NALF1: variants seen among roughly 807,000 people sequenced by gnomAD.
NALF1 encodes the protein family with sequence similarity 155 member A.
In NALF1, 3 loss-of-function variants were observed where a neutral mutation model predicts 48.4. The ratio of observed to expected loss-of-function variants is 0.06; its 90% CI spans 0.03 to 0.16. NALF1 has a LOEUF of 0.16. Ranked by LOEUF, NALF1 falls within the 10% of genes least tolerant of loss-of-function variation. NALF1 has a pLI of 1.00. For missense variants in NALF1, 526 were observed against 571.5 expected, an observed-to-expected ratio of 0.92 and a Z score of 0.81; for synonymous variants, 262 against 245.7, an observed-to-expected ratio of 1.07 and a Z score of -0.62.
intron 1 of NALF1, among the ~76,000 whole-genome samples, chr13:107,663,800 C>T (rs750420095): frequency 6.6e-6 from 1 of 152,164 alleles, no homozygotes; most frequent in Non-Finnish European, 1.5e-5. Flanking sequence ...TTATTTCATG[C>T]ACTTTCTTCA....
chr13:107,354,562 C>T (rs768971691), intron 1 of NALF1, among the ~76,000 whole-genome samples: 13 of 152,254 alleles, frequency 8.5e-5, no homozygotes, highest in South Asian at 2.1e-4. Flanking sequence ...CCACCAGGTC[C>T]GCCCCCGAAC....
rs527933633 is a variant in NALF1, at chr13:107,851,490, CATATAAAAG to C, written c.915+14183_915+14191del. ...AATAAAATACTGTATTTATATTTCCCATATAAAAGACTCTGTTGTTCAGTCATAAAGTTA... is the reference window on the plus strand; with the variant it reads ...AATAAAATACTGTATTTATATTTCCCACTCTGTTGTTCAGTCATAAAGTTA... On this transcript the variant is annotated intron_variant, in intron 1 of 2. Transcript: ENST00000375915. Among the ~76,000 whole-genome samples, 187 of 152,076 alleles carry C rather than the reference CATATAAAAG, an allele frequency of 1.2e-3. 1 individual carries two copies. The highest frequency in any genetic ancestry group is 9.5e-3 in the East Asian group (49 of 5,166).
At chr13:107,370,513 C>T (rs898922153) in intron 1 of NALF1, among the ~76,000 whole-genome samples, 1 of 152,154 alleles carries the variant, frequency 6.6e-6, no homozygotes, top group Non-Finnish European at 1.5e-5. Context: ...TCAACATAGC[C>T]TTCAGTTAAT....
chr13:107,208,407 G>C (rs1449411799), intron 2 of NALF1, among the ~76,000 whole-genome samples: 1 of 152,200 alleles, frequency 6.6e-6, no homozygotes, highest in Non-Finnish European at 1.5e-5. Flanking sequence ...CTCTGCCCAT[G>C]TTGTGAAGTG....
intron 1 of NALF1, among the ~76,000 whole-genome samples, chr13:107,255,699 T>C (rs1268348906): frequency 2.6e-5 from 4 of 152,232 alleles, no homozygotes; most frequent in African/African-American, 9.6e-5. Flanking sequence ...CAAATGCTCA[T>C]AACAGCCTTT....
intron 1 of NALF1, among the ~76,000 whole-genome samples, chr13:107,778,541 C>T (rs1161204579): frequency 6.6e-6 from 1 of 152,154 alleles, no homozygotes; most frequent in Non-Finnish European, 1.5e-5. Context: ...CAATGGCTGG[C>T]AGTCTGTTGA....
At chr13:107,384,680 T>C (rs1215437851) in intron 1 of NALF1, among the ~76,000 whole-genome samples, 3 of 152,232 alleles carry the variant, frequency 2.0e-5, no homozygotes, top group South Asian at 4.1e-4. Flanking sequence ...GTGCCTTATA[T>C]TGATTTTTAA....
chr13:107,803,774 C>G (rs778443255), intron 1 of NALF1, among the ~76,000 whole-genome samples: 2 of 152,112 alleles, frequency 1.3e-5, no homozygotes, highest in Admixed American at 6.6e-5. Flanking sequence ...CCATTATAAA[C>G]CAGGCAATTG....
At chr13:107,339,091 G>GC (rs1882618826) in intron 1 of NALF1, among the ~76,000 whole-genome samples, 1 of 148,358 alleles carries the variant, frequency 6.7e-6, no homozygotes, top group Non-Finnish European at 1.5e-5. Context: ...CAGAGATTGT[G>GC]CCACTGCACT....
chr13:107,524,417 G>A (rs1051187913), intron 1 of NALF1, among the ~76,000 whole-genome samples: 1 of 152,078 alleles, frequency 6.6e-6, no homozygotes, highest in Non-Finnish European at 1.5e-5. Context: ...AAAAAAGTAT[G>A]TGAAGGAAGA....
At chr13:107,786,351 G>A (rs1454953379) in intron 1 of NALF1, among the ~76,000 whole-genome samples, 1 of 147,284 alleles carries the variant, frequency 6.8e-6, no homozygotes, top group Non-Finnish European at 1.5e-5. Context: ...GGGAGGCAGA[G>A]GTTGCAGTAA....
intron 1 of NALF1, among the ~76,000 whole-genome samples, chr13:107,684,529 G>T (rs951537867): frequency 6.6e-6 from 1 of 152,102 alleles, no homozygotes; most frequent in African/African-American, 2.4e-5. Flanking sequence ...AGAGTACCCA[G>T]GAGGACTCTG....
intron 1 of NALF1, among the ~76,000 whole-genome samples, chr13:107,846,959 C>T (rs1880188187): frequency 6.6e-6 from 1 of 152,068 alleles, no homozygotes; most frequent in South Asian, 2.1e-4. Flanking sequence ...TATTAATTTG[C>T]TCCAAAATAC....
chr13:107,421,747 TGTCA>T (rs1319080265), intron 1 of NALF1, among the ~76,000 whole-genome samples: 1 of 152,186 alleles, frequency 6.6e-6, no homozygotes, highest in Non-Finnish European at 1.5e-5. Context: ...GCTGGGAAAC[TGTCA>T]GTAAGTGTCA....
intron 1 of NALF1, among the ~76,000 whole-genome samples, chr13:107,705,835 C>A: frequency 6.6e-6 from 1 of 151,648 alleles, no homozygotes; most frequent in East Asian, 1.9e-4. Flanking sequence ...TGGGAGGTTT[C>A]GCTTTTATTT....
At position 107,578,194 on chromosome 13, in the gene NALF1, T is replaced by C. The variant is rs560550237; in HGVS notation, c.915+287488A>G. 2.6e-5 allele frequency among the ~76,000 whole-genome samples: 4 copies of C among 152,350 alleles called. No homozygotes were observed. In the East Asian group the frequency reaches 7.7e-4, roughly 29 times the overall value. ...GCTGTTGTCATTCCGTTTGTTGACA[T>C]GTTCTTCCACCTTTTCTTTACAAAT... is the stretch of plus-strand genomic sequence containing the variant. On this transcript the variant is annotated intron_variant, in intron 1 of 2. Transcript: ENST00000375915.
chr13:107,174,988 A>C (rs1233184620), intron 2 of NALF1, among the ~76,000 whole-genome samples: 1 of 145,610 alleles, frequency 6.9e-6, no homozygotes, highest in African/African-American at 2.6e-5. Context: ...GGTTCACGCC[A>C]TTCTCCTGCC....
intron 1 of NALF1, among the ~76,000 whole-genome samples, chr13:107,831,680 AG>A (rs1194478954): frequency 6.6e-6 from 1 of 152,202 alleles, no homozygotes; most frequent in African/African-American, 2.4e-5. Context: ...TAGAAATGAC[AG>A]TAACTGATTT....
intron 1 of NALF1, among the ~76,000 whole-genome samples, chr13:107,358,420 T>A (rs565331503): frequency 1.3e-5 from 2 of 152,288 alleles, no homozygotes; most frequent in South Asian, 4.1e-4. Flanking sequence ...GCATGATATT[T>A]AGTAAATGCT....
Sources: gnomAD v4.1 joint callset for allele counts (sites outside exome capture counted in the v4.1 genomes callset) on GRCh38, gnomAD v4.1.1 for gene constraint, MANE v1.5 for transcripts, NCBI Gene and HGNC (gene_info 2026-07-23, HGNC 2026-07-21) for gene names.